Variants in PACRG observed in about 807,000 individuals in gnomAD.
PACRG encodes the protein parkin coregulated.
Under a neutral mutation model 29.7 loss-of-function variants are expected in PACRG, and 29 were observed. The ratio of observed to expected loss-of-function variants is 0.98; its 90% confidence interval spans 0.73 to 1.33. The LOEUF (loss-of-function observed/expected upper bound fraction) is 1.33, where lower values mean the gene tolerates loss of function less well. Among genes scored for constraint, PACRG ranks in the 40% most tolerant of loss-of-function variants. The pLI, the probability that PACRG is intolerant of heterozygous loss-of-function variation, is 0.00. For synonymous variants in PACRG, 116 were observed against 118.7 expected, an observed-to-expected ratio of 0.98 and a Z score of 0.15; for missense variants, 279 against 316.2, an observed-to-expected ratio of 0.88 and a Z score of 0.89.
intron 2 of PACRG, among the ~76,000 whole-genome samples, chr6:163,031,845 G>A (rs1006404182): frequency 5.3e-5 from 8 of 152,130 alleles, no homozygotes; most frequent in African/African-American, 1.9e-4. Flanking sequence ...ACTTACCACA[G>A]GTCAGAAACC....
At chr6:163,304,296 C>T (rs762923097) in intron 4 of PACRG, among the ~76,000 whole-genome samples, 1 of 152,174 alleles carries the variant, frequency 6.6e-6, no homozygotes, top group Non-Finnish European at 1.5e-5. Flanking sequence ...GAATTAGGCA[C>T]ATGGTGGCCA....
chr6:163,291,920 G>T (rs942885079), intron 4 of PACRG, among the ~76,000 whole-genome samples: 21 of 152,170 alleles, frequency 1.4e-4, no homozygotes, highest in African/African-American at 5.1e-4. Context: ...AAGACAATTG[G>T]CCTGAAGCCC....
chr6:162,996,653 A>G (rs771371443), intron 2 of PACRG, among the ~76,000 whole-genome samples: 2 of 152,162 alleles, frequency 1.3e-5, no homozygotes, highest in Admixed American at 1.3e-4. Flanking sequence ...TAAAAATAGC[A>G]TGTGGAATTT....
rs192444538 is a variant in PACRG, at chr6:163,305,470, G to A, written c.614-9357G>A. Among the ~76,000 whole-genome samples, 315 of 152,272 alleles carry A rather than the reference G, an allele frequency of 2.1e-3. 3 individuals are homozygous for A. Among genetic ancestry groups the A allele is most frequent in the African/African-American group, 7.3e-3 (305 of 41,544 alleles). On this transcript the variant is annotated intron_variant, in intron 4 of 4. Coordinates refer to ENST00000366888, the MANE Select transcript of PACRG (RefSeq NM_001080379.2). ...AGCAATGACGTCCCTGGGCAGTCAC[G>A]CTCAGCCTGCTCGTCTATCTTGTAT...
intron 2 of PACRG, among the ~76,000 whole-genome samples, chr6:162,972,237 A>G (rs1481594128): frequency 2.6e-5 from 4 of 152,198 alleles, no homozygotes; most frequent in Non-Finnish European, 2.9e-5. Flanking sequence ...GCAGTGATTC[A>G]TTATAAAATA....
intron 2 of PACRG, among the ~76,000 whole-genome samples, chr6:162,982,554 G>A (rs150214802): frequency 0.011 from 1,598 of 151,904 alleles, 48 homozygotes; most frequent in Non-Finnish European, 9.2e-3. Flanking sequence ...TGATTTCATT[G>A]TTGACCCAAA....
intron 4 of PACRG, among the ~76,000 whole-genome samples, chr6:163,293,040 G>A (rs1157043523): frequency 6.6e-6 from 1 of 152,136 alleles, no homozygotes; most frequent in African/African-American, 2.4e-5. Context: ...TTTTCCCAGT[G>A]TATCCAGGGA....
At chr6:163,224,346 G>A (rs1781699764) in intron 4 of PACRG, among the ~76,000 whole-genome samples, 1 of 97,530 alleles carries the variant, frequency 1.0e-5, no homozygotes, top group Admixed American at 1.3e-4. Flanking sequence ...TGTAGCCTGG[G>A]CAACAGAGTG....
intron 2 of PACRG, among the ~76,000 whole-genome samples, chr6:162,828,800 C>T (rs1289743035): frequency 2.0e-5 from 3 of 151,838 alleles, no homozygotes; most frequent in Admixed American, 2.0e-4. Flanking sequence ...GCAGTGATAT[C>T]AAAAAGAATA....
rs1804898681 is a variant in PACRG, at chr6:163,004,730, A to ATGTG, written c.292-57419_292-57418insGTGT. 1.6e-4 allele frequency among the ~76,000 whole-genome samples: 18 copies of ATGTG among 111,962 alleles called. 1 individual carries two copies. In the South Asian group the frequency reaches 5.8e-3, roughly 36 times the overall value. 73.5% of individuals were successfully genotyped at this position (111,962 alleles called of 152,430 possible). On this transcript the variant is annotated intron_variant, in intron 2 of 4. Coordinates refer to ENST00000366888, the MANE Select transcript of PACRG (RefSeq NM_001080379.2). ...TGTGTGTGTGTGTGTGTGTGTGTAT[A>ATGTG]TATATATACACACACACACACACAC...
intron 2 of PACRG, among the ~76,000 whole-genome samples, chr6:163,035,445 G>A (rs1322134779): frequency 1.3e-5 from 2 of 151,864 alleles, no homozygotes; most frequent in Admixed American, 6.6e-5. Flanking sequence ...TCAGGAGATC[G>A]AGATCAGCCT....
intron 3 of PACRG, among the ~76,000 whole-genome samples, chr6:163,071,497 A>G (rs1247409583): frequency 1.3e-5 from 2 of 152,102 alleles, no homozygotes; most frequent in East Asian, 3.8e-4. Context: ...AACAAGTGGT[A>G]ATGGATACAC....
At chr6:162,844,206 G>C (rs36167355) in intron 2 of PACRG, among the ~76,000 whole-genome samples, 1 of 151,388 alleles carries the variant, frequency 6.6e-6, no homozygotes, top group South Asian at 2.1e-4. Flanking sequence ...CCTCGCTGCC[G>C]CCTTGCAGTT....
intron 4 of PACRG, among the ~76,000 whole-genome samples, chr6:163,298,274 A>T (rs1469360195): frequency 2.6e-5 from 4 of 151,964 alleles, no homozygotes; most frequent in Non-Finnish European, 5.9e-5. Flanking sequence ...AAAAGCCCAC[A>T]CAGCAAAATA....
In PACRG at chr6:163,261,145, C is replaced by T. The variant is rs146166171; in HGVS notation, c.614-53682C>T. 3.2e-4 allele frequency among the ~76,000 whole-genome samples: 48 copies of T among 152,178 alleles called. 1 individual carries two copies. In the East Asian group the frequency reaches 7.8e-3, roughly 25 times the overall value. ...TCCTTCCCTCCTCCCTCTGTCTTCC[C>T]GGCTCCCCATGTTCCTGAGCCCGGA... On this transcript the variant is annotated intron_variant, in intron 4 of 4. Coordinates refer to ENST00000366888, the MANE Select transcript of PACRG (RefSeq NM_001080379.2).
chr6:163,179,937 G>A (rs1779574528), intron 4 of PACRG, among the ~76,000 whole-genome samples: 1 of 152,188 alleles, frequency 6.6e-6, no homozygotes, highest in Non-Finnish European at 1.5e-5. Flanking sequence ...CCCGTCCAGT[G>A]TCCCAGCCGA....
At chr6:163,254,609 G>A (rs893828724) in intron 4 of PACRG, among the ~76,000 whole-genome samples, 1 of 152,206 alleles carries the variant, frequency 6.6e-6, no homozygotes, top group East Asian at 1.9e-4. Context: ...TGTCCAGGAC[G>A]AGGTGAGGTA....
At chr6:163,117,751 CA>C (rs35801516) in intron 4 of PACRG, among the ~76,000 whole-genome samples, 35,072 of 108,206 alleles carry the variant, frequency 0.32, 4,161 homozygotes, top group East Asian at 0.55. Flanking sequence ...GACTCTGTCT[CA>C]AAAAAAAAAA....
intron 4 of PACRG, among the ~76,000 whole-genome samples, chr6:163,298,872 A>C (rs1312930090): frequency 6.6e-6 from 1 of 152,114 alleles, no homozygotes; most frequent in East Asian, 1.9e-4. Context: ...CTTTCTCCCA[A>C]GCCGACTTCT....
Sources: allele counts gnomAD v4.1 joint callset (sites outside exome capture counted in the v4.1 genomes callset), GRCh38; gene constraint gnomAD v4.1.1; transcripts MANE v1.5; gene names NCBI Gene and HGNC (gene_info 2026-07-23, HGNC 2026-07-21).